Variants in DNAH9 observed in about 807,000 individuals in gnomAD.
DNAH9 encodes the protein DNAH9 variant protein.
DNAH9 carries 345 observed loss-of-function variants against 471.6 expected under a neutral mutation model. That is an observed-to-expected ratio of 0.73 (90% CI 0.67 to 0.80). The LOEUF is 0.80. Ranked by LOEUF, DNAH9 falls within the 30% of genes least tolerant of loss-of-function variation. The pLI is 0.00. For synonymous variants in DNAH9, 2,093 were observed against 2,123.6 expected (o/e 0.99, Z 0.40); for missense variants, 5,407 against 5,609.2 (o/e 0.96, Z 1.15).
chr17:11,780,167 A>G (rs1968614794), intron 38 of DNAH9, among the ~76,000 whole-genome samples: 1 of 152,232 alleles, frequency 6.6e-6, no homozygotes. Flanking sequence ...TGATAATTGA[A>G]GAAACCACTC....
intron 49 of DNAH9, among the ~76,000 whole-genome samples, chr17:11,839,195 T>C (rs1411467331): frequency 6.6e-6 from 1 of 152,124 alleles, no homozygotes; most frequent in Non-Finnish European, 1.5e-5. Flanking sequence ...CTTATACAAA[T>C]AATAGGTAAC....
intron 27 of DNAH9, among the ~76,000 whole-genome samples, chr17:11,722,909 T>C (rs2075085993): frequency 6.6e-6 from 1 of 151,756 alleles, no homozygotes; most frequent in Non-Finnish European, 1.5e-5. Context: ...CTGAAAGTGT[T>C]TGGAATTATT....
intron 27 of DNAH9, among the ~76,000 whole-genome samples, chr17:11,727,487 G>C (rs565258540): frequency 6.6e-6 from 1 of 152,072 alleles, no homozygotes; most frequent in Non-Finnish European, 1.5e-5. Flanking sequence ...TGGGTGGAAG[G>C]CTTTTTGTCT....
intron 42 of DNAH9, among the ~76,000 whole-genome samples, chr17:11,795,047 C>T (rs971378080): frequency 9.6e-5 from 14 of 145,176 alleles, no homozygotes; most frequent in Non-Finnish European, 4.5e-5. Flanking sequence ...ATGTTGTGCA[C>T]ATGTACCCTA....
chr17:11,940,962 G>C (rs1024928225), intron 66 of DNAH9, among the ~76,000 whole-genome samples: 4 of 152,156 alleles, frequency 2.6e-5, no homozygotes, highest in Non-Finnish European at 5.9e-5. Flanking sequence ...ACTCTATCAA[G>C]GGAGTCAGCC....
At position 11,905,784 on chromosome 17, in the gene DNAH9, C is replaced by T. The variant is rs761599423; in HGVS notation, c.11724C>T (p.Asp3908=). 11 of 1,612,266 alleles carry T rather than the reference C, an allele frequency of 6.8e-6. No individual in the cohort carries two copies. In the South Asian group the frequency reaches 1.1e-4, roughly 16 times the overall value. Residue 3908 remains aspartate, a synonymous_variant, in exon 61 of 69, where the codon GAC becomes GAT. Coordinates refer to ENST00000262442, the MANE Select transcript of DNAH9 (RefSeq NM_001372.4). ...PMFFILSPGV[D]PLKDVESQGR... is the part of the protein sequence containing the mutation. Reference sequence around the variant, plus strand: ...TTTTCATCCTGTCTCCAGGGGTGGACCCACTGAAGGATGTAGAAAGTCAAG... The same window carrying T: ...TTTTCATCCTGTCTCCAGGGGTGGATCCACTGAAGGATGTAGAAAGTCAAG...
chr17:11,669,183 G>T lies in DNAH9; in HGVS notation c.2851G>T (p.Gly951Cys), dbSNP rs2073933869. 3.1e-6 allele frequency: 5 copies of T among 1,613,612 alleles called. No individual in the cohort carries two copies. The highest frequency in any genetic ancestry group is 4.2e-6 in the Non-Finnish European group (5 of 1,179,804). The change falls in exon 16 of 69, where the codon GGT becomes TGT. Residue 951 changes from glycine (G) to cysteine (C), a missense_variant. Transcript: ENST00000262442. ...VKGGFCDIVE[G>C]LITSIFRIPS... Reference sequence around the variant, plus strand: ...GGGGGGTTTCTGTGACATTGTTGAGGGTCTCATCACCAGCATTTTTAGGAT... The same window carrying T: ...GGGGGGTTTCTGTGACATTGTTGAGTGTCTCATCACCAGCATTTTTAGGAT...
At chr17:11,671,406 A>G (rs75785137) in intron 17 of DNAH9, among the ~76,000 whole-genome samples, 4 of 149,428 alleles carry the variant, frequency 2.7e-5, no homozygotes, top group Admixed American at 6.7e-5. Flanking sequence ...CAGGAAGCAG[A>G]GGGGGGGCAG....
chr17:11,869,068 T>C, intron 50 of DNAH9, 66 bp from the exon 51 acceptor site: 1 of 1,574,908 alleles, frequency 6.3e-7, no homozygotes. Context: ...TGAACCCTCA[T>C]CTAATGAGCA....
chr17:11,862,958 G>A (rs375908612), intron 50 of DNAH9, among the ~76,000 whole-genome samples: 15 of 151,076 alleles, frequency 9.9e-5, no homozygotes, highest in African/African-American at 2.7e-4. Context: ...CAATCATGTC[G>A]TCTGCAAACA....
At chr17:11,768,209 G>A (rs1968047704) in intron 36 of DNAH9, among the ~76,000 whole-genome samples, 1 of 152,160 alleles carries the variant, frequency 6.6e-6, no homozygotes, top group African/African-American at 2.4e-5. Context: ...GACATGGCAG[G>A]ACCAGGCTGG....
chr17:11,831,830 G>A (rs1404240600), intron 48 of DNAH9, among the ~76,000 whole-genome samples: 1 of 152,020 alleles, frequency 6.6e-6, no homozygotes, highest in Admixed American at 6.6e-5. Flanking sequence ...AGAAGGGATG[G>A]TCACCCACCA....
chr17:11,648,700 G>A (rs1358012238), intron 12 of DNAH9, among the ~76,000 whole-genome samples: 3 of 151,842 alleles, frequency 2.0e-5, no homozygotes, highest in Admixed American at 1.3e-4. Context: ...AAAAAGGGGG[G>A]TAGGGATAAA....
intron 41 of DNAH9, among the ~76,000 whole-genome samples, chr17:11,792,045 G>A (rs989394768): frequency 1.3e-5 from 2 of 152,048 alleles, no homozygotes; most frequent in African/African-American, 4.8e-5. Flanking sequence ...ACTCTGGGGG[G>A]CCGAGGTGGG....
intron 39 of DNAH9, 121 bp from the exon 40 acceptor site, chr17:11,783,525 A>G (rs1410801200): frequency 4.7e-6 from 3 of 635,068 alleles, no homozygotes; most frequent in Non-Finnish European, 8.2e-6. Context: ...CTGCCGGTGG[A>G]TCTAGACTTT....
rs142830886 is a variant in DNAH9, at chr17:11,886,927, C to T, written c.11074C>T (p.Leu3692Phe). Reference sequence around the variant, plus strand: ...ACTGCTCTACTTCATCATGAACGACCTCAGCAAGATCCATCCAATGTACCA... The same window carrying T: ...ACTGCTCTACTTCATCATGAACGACTTCAGCAAGATCCATCCAATGTACCA... Reference protein sequence around the residue: ...ASLLYFIMNDLSKIHPMYQFS... With the variant: ...ASLLYFIMNDFSKIHPMYQFS... Residue 3692 changes from leucine (L) to phenylalanine (F), a missense_variant, in exon 57 of 69, where the codon CTC (leucine) becomes TTC (phenylalanine). Coordinates refer to ENST00000262442, the MANE Select transcript of DNAH9 (RefSeq NM_001372.4). 217 of 1,612,990 alleles carry T rather than the reference C, an allele frequency of 1.3e-4. No individual in the cohort carries two copies. In the African/African-American group the frequency reaches 2.7e-3, roughly 20 times the overall value.
intron 18 of DNAH9, 139 bp from the exon 19 acceptor site, chr17:11,680,584 G>T: frequency 1.5e-6 from 1 of 677,438 alleles, no homozygotes; most frequent in East Asian, 2.7e-5. Context: ...GCAGATTGTA[G>T]GGAATGGGAA....
At chr17:11,835,946 C>G (rs758732196) in intron 49 of DNAH9, among the ~76,000 whole-genome samples, 1 of 152,182 alleles carries the variant, frequency 6.6e-6, no homozygotes, top group Non-Finnish European at 1.5e-5. Context: ...GGAGCTAGCC[C>G]GCTATTTGTA....
chr17:11,855,068 T>G (rs1179358256), intron 50 of DNAH9, among the ~76,000 whole-genome samples: 3 of 148,902 alleles, frequency 2.0e-5, no homozygotes, highest in Non-Finnish European at 3.0e-5. Flanking sequence ...CAGAATTCAT[T>G]TTTTTTTTTA....
Sources: gnomAD v4.1 joint callset for allele counts (sites outside exome capture counted in the v4.1 genomes callset) on GRCh38, gnomAD v4.1.1 for gene constraint, MANE v1.5 for transcripts, NCBI Gene and HGNC (gene_info 2026-07-23, HGNC 2026-07-21) for gene names.